CLIP4: variants seen among roughly 807,000 people sequenced by gnomAD.
CLIP4 encodes CAP-Gly domain-containing linker protein 4.
A neutral mutation model predicts 73.1 loss-of-function variants in CLIP4; 47 were observed. The ratio of observed to expected loss-of-function variants is 0.64; its 90% CI spans 0.51 to 0.82. The LOEUF (loss-of-function observed/expected upper bound fraction) is 0.82. Ranked by LOEUF, CLIP4 falls within the 40% of genes least tolerant of loss-of-function variation. CLIP4 has a pLI of 0.00. For synonymous variants in CLIP4, 306 were observed against 295.4 expected (o/e 1.04, Z -0.37); for missense variants, 874 against 852.9 (o/e 1.02, Z -0.31).
intron 4 of CLIP4, among the ~76,000 whole-genome samples, chr2:29,133,383 A>T (rs982541138): frequency 1.3e-5 from 2 of 152,178 alleles, no homozygotes; most frequent in African/African-American, 4.8e-5. Flanking sequence ...TGTGTGTCTC[A>T]ATTTATTTAA....
intron 11 of CLIP4, among the ~76,000 whole-genome samples, chr2:29,158,922 C>T (rs998549975): frequency 1.3e-5 from 2 of 152,148 alleles, no homozygotes; most frequent in African/African-American, 4.8e-5. Flanking sequence ...AGGCATGAGC[C>T]ATCATGCCCA....
At chr2:29,180,432 C>T (rs1349798345) in intron 15 of CLIP4, among the ~76,000 whole-genome samples, 3 of 152,116 alleles carry the variant, frequency 2.0e-5, no homozygotes. Flanking sequence ...CGTTCTTGCA[C>T]ACTGTAAGGA....
chr2:29,155,364 T>C (rs1478723983), intron 9 of CLIP4, among the ~76,000 whole-genome samples: 2 of 151,224 alleles, frequency 1.3e-5, no homozygotes, highest in East Asian at 3.9e-4. Context: ...AGCCAAGAAA[T>C]AGAAGATATG....
intron 6 of CLIP4, among the ~76,000 whole-genome samples, chr2:29,135,944 G>A (rs1665322353): frequency 2.0e-5 from 3 of 152,014 alleles, no homozygotes; most frequent in Admixed American, 2.0e-4. Flanking sequence ...GGAGTTTGAT[G>A]TATTTATGAA....
At chr2:29,110,221 T>C (rs1229061071) in intron 1 of CLIP4, among the ~76,000 whole-genome samples, 3 of 152,148 alleles carry the variant, frequency 2.0e-5, no homozygotes, top group Non-Finnish European at 4.4e-5. Context: ...ATAAGTCTCG[T>C]GCGGCTCAAT....
intron 2 of CLIP4, chr2:29,130,794 T>C: frequency 7.8e-7 from 1 of 1,287,702 alleles, no homozygotes; most frequent in South Asian, 1.2e-5. Flanking sequence ...TAGTATAATT[T>C]TGGAAAATAT....
intron 6 of CLIP4, among the ~76,000 whole-genome samples, chr2:29,140,311 T>C (rs1248408992): frequency 1.3e-5 from 2 of 152,072 alleles, no homozygotes; most frequent in Non-Finnish European, 2.9e-5. Context: ...TTCCCACCTA[T>C]GAGTGAGAAT....
rs189686983 is a variant in CLIP4 at position 29,143,008 on chromosome 2, T to C, written c.649-701T>C. On this transcript the variant is annotated intron_variant, in intron 6 of 15. Coordinates refer to ENST00000320081, the MANE Select transcript of CLIP4 (RefSeq NM_024692.6). ...AGTGAAAACAGAGCTTTTTTCTTGA[T>C]TATAGCCCAGGTTTTAGTAGTATCA... is the stretch of plus-strand genomic sequence containing the variant. 1.9e-3 allele frequency among the ~76,000 whole-genome samples: 282 copies of C among 152,342 alleles called. 1 individual carries two copies. Among genetic ancestry groups the C allele is most frequent in the Non-Finnish European group, 2.5e-3 (168 of 68,030 alleles).
intron 2 of CLIP4, among the ~76,000 whole-genome samples, chr2:29,123,535 C>T (rs183201307): frequency 6.6e-5 from 10 of 152,198 alleles, no homozygotes; most frequent in African/African-American, 2.2e-4. Context: ...GGTGGTCATT[C>T]GGAGAATCAG....
At chr2:29,128,407 C>G (rs1199980551) in intron 2 of CLIP4, among the ~76,000 whole-genome samples, 1 of 149,458 alleles carries the variant, frequency 6.7e-6, no homozygotes, top group Non-Finnish European at 1.5e-5. Flanking sequence ...ATTTCAAAGG[C>G]AAATACAGAG....
At chr2:29,154,816 G>A (rs1558560070) in intron 9 of CLIP4, among the ~76,000 whole-genome samples, 1 of 152,122 alleles carries the variant, frequency 6.6e-6, no homozygotes, top group East Asian at 1.9e-4. Context: ...AATTCAAACA[G>A]CATTGCAGAG....
intron 15 of CLIP4, chr2:29,174,742 A>G (rs1363956150): frequency 1.1e-6 from 1 of 951,078 alleles, no homozygotes; most frequent in South Asian, 4.7e-5. Flanking sequence ...AGTAGGGTGG[A>G]TTGCTTTTAA....
chr2:29,109,521 ATCC>A (rs1435821516), intron 1 of CLIP4, among the ~76,000 whole-genome samples: 1 of 152,242 alleles, frequency 6.6e-6, no homozygotes, highest in African/African-American at 2.4e-5. Context: ...AACATTCAAT[ATCC>A]TCCTTGTAGC....
At chr2:29,121,330 A>T in intron 1 of CLIP4, 44 bp from the exon 2 acceptor site, 1 of 1,534,900 alleles carries the variant, frequency 6.5e-7, no homozygotes, top group South Asian at 1.3e-5. Flanking sequence ...TCTAAGTTGC[A>T]TACAAATAAA....
intron 12 of CLIP4, 129 bp from the exon 13 acceptor site, chr2:29,163,702 G>GTATCATGA: frequency 1.3e-6 from 1 of 791,442 alleles, no homozygotes; most frequent in Non-Finnish European, 1.9e-6. Flanking sequence ...ATCTTAATGA[G>GTATCATGA]TATCATGATC....
chr2:29,167,994 C>T (rs1311052827), intron 14 of CLIP4: 1 of 152,300 alleles, frequency 6.6e-6, no homozygotes, highest in African/African-American at 2.4e-5. Context: ...TTCTTGTGCA[C>T]ACTTGAGGAA....
intron 1 of CLIP4, among the ~76,000 whole-genome samples, chr2:29,106,831 A>G (rs1346184477): frequency 6.6e-6 from 1 of 152,196 alleles, no homozygotes; most frequent in East Asian, 1.9e-4. Flanking sequence ...AAGATATTGC[A>G]TGATATATTT....
At chr2:29,160,523 A>C in intron 12 of CLIP4, 56 bp downstream of exon 12, 2 of 1,574,966 alleles carry the variant, frequency 1.3e-6, no homozygotes, top group Middle Eastern at 1.7e-4. Flanking sequence ...AAAGGTTTAA[A>C]ATTTTACATG....
At chr2:29,172,510 T>A (rs1257267497) in intron 14 of CLIP4, among the ~76,000 whole-genome samples, 1 of 152,190 alleles carries the variant, frequency 6.6e-6, no homozygotes, top group African/African-American at 2.4e-5. Flanking sequence ...TCTAACTAAT[T>A]CATATTATTG....
Sources: allele counts gnomAD v4.1 joint callset (sites outside exome capture counted in the v4.1 genomes callset), GRCh38; gene constraint gnomAD v4.1.1; transcripts MANE v1.5; gene names NCBI Gene and HGNC (gene_info 2026-07-23, HGNC 2026-07-21).